Variants in SMARCA2 observed in about 807,000 individuals in gnomAD.
SMARCA2 encodes the protein SWI/SNF related BAF chromatin remodeling complex subunit ATPase 2.
SMARCA2 carries 61 observed loss-of-function variants against 199.8 expected under a neutral mutation model. That is an observed-to-expected ratio of 0.31 (90% CI 0.25 to 0.38). The LOEUF is 0.38. Ranked by LOEUF, SMARCA2 falls within the 10% of genes least tolerant of loss-of-function variation. The pLI, the probability that SMARCA2 is intolerant of heterozygous loss-of-function variation, is 1.00. For missense variants in SMARCA2, 1,344 were observed against 2,012.2 expected, an observed-to-expected ratio of 0.67 and a Z score of 6.35; for synonymous variants, 935 against 732.0, an observed-to-expected ratio of 1.28 and a Z score of -4.48.
rs147738863 is a variant in SMARCA2, at chr9:2,118,936, A to G, written c.3685-522A>G. 8.3e-3 allele frequency among the ~76,000 whole-genome samples: 1,264 copies of G among 152,286 alleles called. 15 individuals are homozygous for G. The highest frequency in any genetic ancestry group is 0.028 in the African/African-American group (1,157 of 41,556). ...ATATATTAAGCACACTTCAAAGGCTATATATTTGGCACATATATGTGATTT... is the reference window on the plus strand; with the variant it reads ...ATATATTAAGCACACTTCAAAGGCTGTATATTTGGCACATATATGTGATTT... On this transcript the variant is annotated intron_variant, in intron 25 of 33. Transcript: ENST00000349721.
chr9:2,113,265 A>C (rs753131412), intron 24 of SMARCA2, among the ~76,000 whole-genome samples: 1 of 152,128 alleles, frequency 6.6e-6, no homozygotes, highest in Non-Finnish European at 1.5e-5. Flanking sequence ...AATTAACAAA[A>C]AAAAATCCCA....
At chr9:2,068,774 A>G (rs1820955531) in intron 9 of SMARCA2, among the ~76,000 whole-genome samples, 2 of 152,230 alleles carry the variant, frequency 1.3e-5, no homozygotes, top group South Asian at 4.1e-4. Context: ...GCTTTCCAGC[A>G]GTAACTTTAA....
intron 31 of SMARCA2, 73 bp downstream of exon 31, chr9:2,182,315 C>T (rs1033216215): frequency 1.7e-5 from 15 of 869,128 alleles, no homozygotes; most frequent in Non-Finnish European, 2.6e-5. Flanking sequence ...TAGAATATTT[C>T]ATTTTCTACC....
chr9:2,120,677 A>T (rs908466564), intron 26 of SMARCA2, among the ~76,000 whole-genome samples: 2 of 152,170 alleles, frequency 1.3e-5, no homozygotes, highest in African/African-American at 4.8e-5. Context: ...CATTGATTGT[A>T]TATAATGATC....
intron 27 of SMARCA2, among the ~76,000 whole-genome samples, chr9:2,132,183 A>G (rs1823990888): frequency 6.6e-6 from 1 of 152,236 alleles, no homozygotes. Context: ...AAGAAAGGTT[A>G]AAGAACAAGA....
At chr9:2,051,847 C>CA (rs929714038) in intron 5 of SMARCA2, among the ~76,000 whole-genome samples, 25 of 151,654 alleles carry the variant, frequency 1.6e-4, no homozygotes, top group African/African-American at 5.8e-4. Flanking sequence ...TTATATATTT[C>CA]AAAAAAAATC....
intron 32 of SMARCA2, among the ~76,000 whole-genome samples, chr9:2,188,269 T>G (rs1238595863): frequency 1.3e-5 from 2 of 152,286 alleles, no homozygotes; most frequent in Admixed American, 1.3e-4. Flanking sequence ...TCAGGCTGTT[T>G]CCCAATAATG....
rs1221895903 is a variant in SMARCA2, at chr9:2,119,754, A to G, written c.3762+219A>G. Among the ~76,000 whole-genome samples, 1 of 152,334 alleles carries G rather than the reference A, an allele frequency of 6.6e-6. No homozygotes were observed. Among genetic ancestry groups the G allele is most frequent in the East Asian group, 1.9e-4 (1 of 5,190 alleles). ...AAAATTTCCCATTCATTGCCAACAT[A>G]AAAAAGAATCCTGATTTCTGGCTTC... On this transcript the variant is annotated intron_variant, in intron 26 of 33. Transcript: ENST00000349721. The surrounding 1 kb of genome is among the most constrained non-coding windows in gnomAD (Gnocchi z 4.6).
At chr9:2,088,189 T>C (rs1821883822) in intron 18 of SMARCA2, among the ~76,000 whole-genome samples, 1 of 152,252 alleles carries the variant, frequency 6.6e-6, no homozygotes, top group Admixed American at 6.5e-5. Flanking sequence ...GTCTTCAGTC[T>C]GTCTTCATTG....
intron 3 of SMARCA2, among the ~76,000 whole-genome samples, chr9:2,038,491 C>T (rs1447714879): frequency 6.6e-6 from 1 of 152,108 alleles, no homozygotes; most frequent in African/African-American, 2.4e-5. Context: ...ATCTTTAGGG[C>T]ATTAGTCATA....
chr9:2,176,538 G>A (rs1030029331), intron 29 of SMARCA2, among the ~76,000 whole-genome samples: 1 of 151,970 alleles, frequency 6.6e-6, no homozygotes, highest in Admixed American at 6.6e-5. Context: ...AGTCCTTTAT[G>A]ACTATTAGGG....
At position 2,169,604 on chromosome 9, in the gene SMARCA2, C is replaced by T. The variant is rs758903917; in HGVS notation, c.4200-815C>T. On this transcript the variant is annotated intron_variant, in intron 28 of 33. Coordinates refer to ENST00000349721, the MANE Select transcript of SMARCA2 (RefSeq NM_003070.5). The surrounding 1 kb of genome is among the most constrained non-coding windows in gnomAD (Gnocchi z 6.5). ...CTAGAGCAGAATGGGGCAGTGACTCCGAGAAGGGATTTATACATGGACAGG... is the reference window on the plus strand; with the variant it reads ...CTAGAGCAGAATGGGGCAGTGACTCTGAGAAGGGATTTATACATGGACAGG... 5.3e-5 allele frequency among the ~76,000 whole-genome samples: 8 copies of T among 152,216 alleles called. No individual in the cohort carries two copies. The highest frequency in any genetic ancestry group is 2.1e-4 in the South Asian group (1 of 4,808).
intron 29 of SMARCA2, among the ~76,000 whole-genome samples, chr9:2,172,904 G>A (rs1467390709): frequency 6.6e-6 from 1 of 152,218 alleles, no homozygotes; most frequent in African/African-American, 2.4e-5. Flanking sequence ...GTCACTGATA[G>A]TCTGTGAAGG....
chr9:2,180,858 A>G (rs1372401487), intron 29 of SMARCA2, among the ~76,000 whole-genome samples: 1 of 152,250 alleles, frequency 6.6e-6, no homozygotes, highest in Non-Finnish European at 1.5e-5. Flanking sequence ...GGGAGGGTAC[A>G]GCACTAATCC....
intron 1 of SMARCA2, among the ~76,000 whole-genome samples, chr9:2,028,391 C>T (rs758934259): frequency 6.6e-6 from 1 of 152,200 alleles, no homozygotes; most frequent in African/African-American, 2.4e-5. Flanking sequence ...CATTAAATAA[C>T]GTAGCTAGTA....
intron 27 of SMARCA2, chr9:2,157,608 C>A (rs140788017): frequency 2.1e-5 from 7 of 326,830 alleles, no homozygotes; most frequent in Non-Finnish European, 3.9e-5. Context: ...GTCTGGATAT[C>A]TTTAGAATTG....
At chr9:2,038,286 A>G (rs1800619297) in intron 3 of SMARCA2, among the ~76,000 whole-genome samples, 1 of 152,204 alleles carries the variant, frequency 6.6e-6, no homozygotes, top group South Asian at 2.1e-4. Context: ...AAAATGTGGT[A>G]ACAGTATATA....
chr9:2,154,252 A>T (rs543698901), intron 27 of SMARCA2, among the ~76,000 whole-genome samples: 73 of 152,324 alleles, frequency 4.8e-4, no homozygotes, highest in African/African-American at 1.7e-3. Flanking sequence ...GTGTTAGCCA[A>T]TGTTGCTGCT....
chr9:2,130,407 T>A (rs1394354689), intron 27 of SMARCA2, among the ~76,000 whole-genome samples: 5 of 152,226 alleles, frequency 3.3e-5, no homozygotes. Context: ...TAGGTTTGGC[T>A]CTTGATCGTA....
Sources: allele counts gnomAD v4.1 joint callset (sites outside exome capture counted in the v4.1 genomes callset), GRCh38; gene constraint gnomAD v4.1.1; non-coding constraint Gnocchi (gnomAD v3.1); transcripts MANE v1.5; gene names NCBI Gene and HGNC (gene_info 2026-07-23, HGNC 2026-07-21).